The following BBS1 variants were observed in gnomAD, a reference collection of about 807,000 sequenced individuals.
The protein encoded by BBS1 is Bardet-Biedl syndrome 1, also known as BBSome complex member BBS1.
A neutral mutation model predicts 73.9 loss-of-function variants in BBS1; 60 were observed. That is an observed-to-expected ratio of 0.81 (90% confidence interval 0.66 to 1.01). The LOEUF is 1.01. BBS1 is among the 50% of genes least tolerant of loss of function. The pLI is 0.00. For missense variants in BBS1, 718 were observed against 770.3 expected (o/e 0.93, Z 0.80); for synonymous variants, 283 against 317.4 (o/e 0.89, Z 1.15).
In BBS1 at chr11:66,523,760, A is replaced by G. The variant is rs1856357095; in HGVS notation, c.988A>G (p.Ile330Val). 1 of 1,612,824 alleles carries G rather than the reference A, an allele frequency of 6.2e-7. No homozygotes were observed. Among genetic ancestry groups the G allele is most frequent in the East Asian group, 2.2e-5 (1 of 44,896 alleles). ...KLWTVQMPAA[I>V]LTMNLLEQHS... ...GTGGACAGTGCAGATGCCCGCAGCC[A>G]TCCTGACCATGAACCTCCTGGAGCA... Residue 330 changes from isoleucine to valine, a missense_variant, in exon 11 of 17, where the codon ATC (isoleucine) becomes GTC (valine). Physicochemically the swap from Ile to Val is conservative, Grantham distance 29 (BLOSUM62 3). Coordinates refer to ENST00000318312, the MANE Select transcript of BBS1 (RefSeq NM_024649.5).
chr11:66,514,290 G>A, intron 3 of BBS1, 116 bp from the exon 4 acceptor site: 1 of 1,408,544 alleles, frequency 7.1e-7, no homozygotes, highest in Non-Finnish European at 9.9e-7. Flanking sequence ...AAGCCTGAGG[G>A]CAAAGCCTTT....
chr11:66,521,933 G>A (rs1355395583), intron 9 of BBS1, among the ~76,000 whole-genome samples: 1 of 149,974 alleles, frequency 6.7e-6, no homozygotes, highest in South Asian at 2.1e-4. Flanking sequence ...AAAAAGCAGG[G>A]GGGTGCCGGG....
At chr11:66,527,095 G>T in intron 13 of BBS1, 1 of 1,391,190 alleles carries the variant, frequency 7.2e-7, no homozygotes, top group South Asian at 1.2e-5. Context: ...GTAGAATTTT[G>T]ACTGGGCATG....
chr11:66,511,749 A>G (rs937313461), intron 3 of BBS1, among the ~76,000 whole-genome samples: 6 of 152,216 alleles, frequency 3.9e-5, no homozygotes, highest in African/African-American at 1.4e-4. Context: ...CAGCAATCCC[A>G]GCACTTTGGG....
At chr11:66,521,015 A>G (rs1856192472) in intron 8 of BBS1, 2 of 507,840 alleles carry the variant, frequency 3.9e-6, no homozygotes, top group Non-Finnish European at 3.6e-6. Context: ...CACCACACCC[A>G]GCTGCACGGT....
Position 66,514,479 on chromosome 11 carries a change from C to T in BBS1, c.233C>T (p.Thr78Ile). 6.2e-7 allele frequency: 1 copy of T among 1,614,166 alleles called. No homozygotes were observed. Among genetic ancestry groups the T allele is most frequent in the Non-Finnish European group, 8.5e-7 (1 of 1,180,040 alleles). ...LKVLKGPLVMTESPLPALPAA... is the reference protein window; with the variant it reads ...LKVLKGPLVMIESPLPALPAA... ...GTGCTCAAAGGACCACTGGTGATGA[C>T]CGAAAGCCCGCTACCTGCTCTGCCA... Residue 78 changes from threonine (T) to isoleucine (I), a missense_variant, in exon 4 of 17, where the codon ACC becomes ATC. Transcript: ENST00000318312.
chr11:66,523,797 G>T lies in BBS1; in HGVS notation c.1025G>T (p.Gly342Val). Residue 342 changes from glycine to valine, a missense_variant, in exon 11 of 17, where the codon GGC becomes GTC. Transcript: ENST00000318312. ...AACCTCCTGGAGCAGCATTCCCGGG[G>T]CCTGCAGGCCGTCATGGCTGGGCTG... ...TMNLLEQHSRGLQAVMAGLAN... is the reference protein window; with the variant it reads ...TMNLLEQHSRVLQAVMAGLAN... 5.0e-6 allele frequency: 8 copies of T among 1,613,586 alleles called. No homozygotes were observed. The highest frequency in any genetic ancestry group is 6.8e-6 in the Non-Finnish European group (8 of 1,180,034).
At chr11:66,510,855 G>A (rs1490771938) in intron 1 of BBS1, 149 bp downstream of exon 1, 2 of 1,373,890 alleles carry the variant, frequency 1.5e-6, no homozygotes, top group Non-Finnish European at 2.1e-6. Context: ...ATGTGCATAT[G>A]TGTGTCTGGA....
intron 7 of BBS1, among the ~76,000 whole-genome samples, 189 bp downstream of exon 7, chr11:66,516,122 CTTTTTTTTTTTT>C (rs35735110): frequency 1.0e-5 from 1 of 99,356 alleles, no homozygotes; most frequent in African/African-American, 3.8e-5. Flanking sequence ...GTAGTGACAG[CTTTTTTTTTTTT>C]TTTTTTTTTT....
Position 66,519,719 on chromosome 11 carries a change from G to A in BBS1, c.694G>A (p.Asp232Asn). The A allele has an allele frequency of 6.2e-7, 1 of 1,613,680 alleles. No individual in the cohort carries two copies. Among genetic ancestry groups the A allele is most frequent in the Non-Finnish European group, 8.5e-7 (1 of 1,179,964 alleles). Reference protein sequence around the residue: ...GTENKELLVLDPEAFTILAKM... With the variant: ...GTENKELLVLNPEAFTILAKM... The stretch of plus-strand genomic sequence containing the variant: ...CGAGAACAAGGAGCTCCTGGTGCTT[G>A]ACCCCGAGGCCTTCACCATTTTAGC... The change falls in exon 8 of 17, where the codon GAC (aspartate) becomes AAC (asparagine). Residue 232 changes from aspartate to asparagine, a missense_variant. Physicochemically the swap from Asp to Asn is conservative, Grantham distance 23. Coordinates refer to ENST00000318312, the MANE Select transcript of BBS1 (RefSeq NM_024649.5).
intron 13 of BBS1, 28 bp downstream of exon 13, chr11:66,526,835 T>C (rs374846440): frequency 5.6e-6 from 9 of 1,614,160 alleles, no homozygotes; most frequent in Non-Finnish European, 6.8e-6. Context: ...TCCTTTCCCT[T>C]CTTCCTCCTC....
chr11:66,523,246 C>A, intron 9 of BBS1: 1 of 699,348 alleles, frequency 1.4e-6, no homozygotes, highest in Non-Finnish European at 2.6e-6. Flanking sequence ...GAAGACAAGA[C>A]ACCATAGTGA....
At position 66,519,555 on chromosome 11, in the gene BBS1, T is replaced by G. The variant is rs1481011761; in HGVS notation, c.592-62T>G. The G allele has an allele frequency of 1.1e-5, 17 of 1,610,362 alleles. No homozygotes were observed. The South Asian group carries it at 1.8e-4, about 17-fold the overall frequency. ...CTCTTTCTTCCCTCATGTGGCATTC[T>G]GGGAGTATCTTGGGGGTGGTGTGTG... On this transcript the variant is annotated intron_variant, in intron 7 of 16. Transcript: ENST00000318312.
intron 15 of BBS1, among the ~76,000 whole-genome samples, chr11:66,531,309 C>T (rs911417715): frequency 1.1e-4 from 16 of 152,232 alleles, no homozygotes; most frequent in African/African-American, 3.6e-4. Flanking sequence ...ACCCCACCTA[C>T]ACCTCCCAGA....
chr11:66,517,795 G>A (rs180921086), intron 7 of BBS1, among the ~76,000 whole-genome samples: 1 of 151,400 alleles, frequency 6.6e-6, no homozygotes, highest in African/African-American at 2.4e-5. Context: ...TTAAGAGATG[G>A]GGTCTCACCA....
chr11:66,514,979 C>T lies in BBS1; in HGVS notation c.432+301C>T, dbSNP rs1021407884. Among the ~76,000 whole-genome samples, 9 of 152,024 alleles carry T rather than the reference C, an allele frequency of 5.9e-5. No homozygotes were observed. In the South Asian group the frequency reaches 1.2e-3, roughly 21 times the overall value. ...TGCAGGCACCAGCAACCACGCCTGGCGAATTTTTTGTATGTGTTAGTAGAG... is the reference window on the plus strand; with the variant it reads ...TGCAGGCACCAGCAACCACGCCTGGTGAATTTTTTGTATGTGTTAGTAGAG... On this transcript the variant is annotated intron_variant, in intron 4 of 16. Transcript: ENST00000318312.
chr11:66,526,601 G>T, intron 12 of BBS1, 48 bp from the exon 13 acceptor site: 10 of 1,612,140 alleles, frequency 6.2e-6, no homozygotes, highest in Non-Finnish European at 8.5e-6. Context: ...ATGGGAATGT[G>T]GGTAGAACTG....
Position 66,510,668 on chromosome 11 carries a change from T to G in BBS1, c.9T>G (p.Ala3=), listed in dbSNP as rs1197381505. The change falls in exon 1 of 17, where the codon GCT becomes GCG. Residue 3 remains alanine, a synonymous_variant. Transcript: ENST00000318312. MA[A]ASSSDSDACG... is the part of the protein sequence containing the mutation. Reference sequence around the variant, plus strand: ...GGACGACGCCTGCGAAGATGGCCGCTGCGTCCTCATCGGATTCCGACGCCT... The same window carrying G: ...GGACGACGCCTGCGAAGATGGCCGCGGCGTCCTCATCGGATTCCGACGCCT... The G allele has an allele frequency of 1.2e-6, 2 of 1,614,176 alleles. No individual in the cohort carries two copies. The highest frequency in any genetic ancestry group is 2.2e-5 in the South Asian group (2 of 91,084).
chr11:66,529,778 C>T lies in BBS1; in HGVS notation c.1340-41C>T, dbSNP rs1439364517. 11 of 1,607,102 alleles carry T rather than the reference C, an allele frequency of 6.8e-6. No homozygotes were observed. The Admixed American group carries it at 1.3e-4, about 19-fold the overall frequency. ...CCCGTTGCTGCCTCCTCCCTGCCAC[C>T]CCCCACCTCCACCGTCAGCCTCTGG... On this transcript the variant is annotated intron_variant, in intron 13 of 16. Transcript: ENST00000318312.
Sources: gnomAD v4.1 joint callset for allele counts (sites outside exome capture counted in the v4.1 genomes callset) on GRCh38, gnomAD v4.1.1 for gene constraint, MANE v1.5 for transcripts, NCBI Gene and HGNC (gene_info 2026-07-23, HGNC 2026-07-21) for gene names.